The following TMEM244 variants were observed in gnomAD, a reference collection of about 807,000 sequenced individuals.
TMEM244 encodes the protein transmembrane protein 244, also known as putative transmembrane protein 244.
TMEM244 carries 13 observed loss-of-function variants against 15.8 expected under a neutral mutation model. The observed-to-expected ratio is 0.82, with a 90% CI of 0.53 to 1.30. The LOEUF (loss-of-function observed/expected upper bound fraction) is 1.30. TMEM244 is among the 50% of genes most tolerant of loss of function. The pLI is 0.00. For synonymous variants in TMEM244, 45 were observed against 48.7 expected, an observed-to-expected ratio of 0.92 and a Z score of 0.32; for missense variants, 161 against 144.9, an observed-to-expected ratio of 1.11 and a Z score of -0.57.
chr6:129,848,118 C>T (rs1029728083), intron 1 of TMEM244, among the ~76,000 whole-genome samples: 1 of 152,090 alleles, frequency 6.6e-6, no homozygotes, highest in Admixed American at 6.6e-5. Flanking sequence ...TTATGACCTT[C>T]AGTCTCTCTT....
intron 1 of TMEM244, among the ~76,000 whole-genome samples, chr6:129,853,886 A>G (rs4895860): frequency 0.99 from 150,332 of 152,270 alleles, 74,224 homozygotes; most frequent in East Asian, 1. Context: ...TCACTTAACT[A>G]ACTTGCCAAT....
chr6:129,852,527 T>C (rs1776648814), intron 1 of TMEM244, among the ~76,000 whole-genome samples: 1 of 152,122 alleles, frequency 6.6e-6, no homozygotes, highest in African/African-American at 2.4e-5. Flanking sequence ...GGTTTACAAG[T>C]ACTCTGGCCC....
intron 2 of TMEM244, among the ~76,000 whole-genome samples, chr6:129,843,939 TG>T (rs1453207134): frequency 1.3e-5 from 2 of 152,216 alleles, no homozygotes; most frequent in African/African-American, 4.8e-5. Context: ...ACTCACTTCA[TG>T]ACCAAACCAG....
chr6:129,835,589 G>A (rs1701651820), intron 3 of TMEM244, among the ~76,000 whole-genome samples: 1 of 152,154 alleles, frequency 6.6e-6, no homozygotes, highest in African/African-American at 2.4e-5. Flanking sequence ...GCAAGCTGAA[G>A]CAGGGCAGGG....
chr6:129,858,870 T>G (rs1250859038), intron 1 of TMEM244, among the ~76,000 whole-genome samples: 1 of 151,872 alleles, frequency 6.6e-6, no homozygotes, highest in Non-Finnish European at 1.5e-5. Flanking sequence ...CTCAGCTCAC[T>G]GTAACCTCTG....
At chr6:129,835,976 G>A (rs1776399856) in intron 3 of TMEM244, among the ~76,000 whole-genome samples, 1 of 152,142 alleles carries the variant, frequency 6.6e-6, no homozygotes, top group Admixed American at 6.5e-5. Context: ...TCTACCTCTT[G>A]GGGTAGGGCA....
Position 129,849,893 on chromosome 6 carries a change from G to A in TMEM244, c.34-4041C>T, listed in dbSNP as rs562287670. Reference sequence around the variant, plus strand: ...TATGTGTGTGTGTATGTGTGCCTCCGTGCACGTGTGTGAAGGGGGCATGAA... The same window carrying A: ...TATGTGTGTGTGTATGTGTGCCTCCATGCACGTGTGTGAAGGGGGCATGAA... On this transcript the variant is annotated intron_variant, in intron 1 of 4. Transcript: ENST00000368143. 4.6e-5 allele frequency among the ~76,000 whole-genome samples: 7 copies of A among 152,288 alleles called. No homozygotes were observed. The East Asian group carries it at 5.8e-4, about 13-fold the overall frequency.
At chr6:129,845,575 T>A (rs1384288144) in intron 2 of TMEM244, among the ~76,000 whole-genome samples, 192 bp downstream of exon 2, 1 of 152,124 alleles carries the variant, frequency 6.6e-6, no homozygotes, top group Middle Eastern at 3.2e-3. Flanking sequence ...GGCCAGGGAT[T>A]CAAGACCAGC....
chr6:129,833,759 A>G (rs893872444), intron 3 of TMEM244, among the ~76,000 whole-genome samples, 174 bp from the exon 4 acceptor site: 2 of 152,230 alleles, frequency 1.3e-5, no homozygotes, highest in Admixed American at 1.3e-4. Context: ...AACATATTTT[A>G]TCTTTTAACA....
At chr6:129,858,565 T>TTAC (rs1776751271) in intron 1 of TMEM244, among the ~76,000 whole-genome samples, 2 of 151,858 alleles carry the variant, frequency 1.3e-5, no homozygotes. Context: ...CATAATATTA[T>TTAC]ATTTGTCTTA....
At chr6:129,838,819 G>A (rs147059718) in intron 3 of TMEM244, among the ~76,000 whole-genome samples, 5 of 152,122 alleles carry the variant, frequency 3.3e-5, no homozygotes, top group African/African-American at 1.2e-4. Flanking sequence ...AAATAAACTA[G>A]AAAATCTAGA....
chr6:129,856,325 C>T (rs1267162582), intron 1 of TMEM244, among the ~76,000 whole-genome samples: 9 of 152,082 alleles, frequency 5.9e-5, no homozygotes. Context: ...TATTTGTGAG[C>T]TTTCTATTTG....
intron 1 of TMEM244, among the ~76,000 whole-genome samples, chr6:129,860,913 A>C (rs1345759626): frequency 6.6e-6 from 1 of 152,164 alleles, no homozygotes; most frequent in Non-Finnish European, 1.5e-5. Flanking sequence ...ACCTCCGAAT[A>C]AAATGGTGCC....
chr6:129,843,805 A>G (rs1283034634), intron 2 of TMEM244, among the ~76,000 whole-genome samples: 3 of 152,216 alleles, frequency 2.0e-5, no homozygotes, highest in East Asian at 1.9e-4. Flanking sequence ...TGACTCAAAC[A>G]TCTCACTCTT....
intron 3 of TMEM244, among the ~76,000 whole-genome samples, chr6:129,842,360 C>A (rs1172717869): frequency 6.6e-6 from 1 of 152,124 alleles, no homozygotes; most frequent in Non-Finnish European, 1.5e-5. Context: ...AAGTCTTAGA[C>A]CTCTTGTATC....
intron 3 of TMEM244, among the ~76,000 whole-genome samples, chr6:129,841,862 C>A (rs779563001): frequency 2.8e-4 from 43 of 152,146 alleles, no homozygotes; most frequent in Non-Finnish European, 5.3e-4. Flanking sequence ...TAAATACATG[C>A]CAAAGTCTCT....
At chr6:129,857,364 TA>T (rs986176841) in intron 1 of TMEM244, among the ~76,000 whole-genome samples, 7 of 151,348 alleles carry the variant, frequency 4.6e-5, no homozygotes, top group African/African-American at 9.7e-5. Flanking sequence ...ATATATAAAT[TA>T]TTTTTTTTGA....
intron 1 of TMEM244, among the ~76,000 whole-genome samples, chr6:129,858,000 T>C (rs1776741897): frequency 6.6e-6 from 1 of 152,042 alleles, no homozygotes; most frequent in Non-Finnish European, 1.5e-5. Context: ...TATGATTTTC[T>C]GCTTAGATAT....
At chr6:129,834,645 C>T (rs1169516192) in intron 3 of TMEM244, among the ~76,000 whole-genome samples, 2 of 152,174 alleles carry the variant, frequency 1.3e-5, no homozygotes, top group East Asian at 3.9e-4. Flanking sequence ...ACATATTCCT[C>T]TTCAATTCTA....
Sources: gnomAD v4.1 joint callset for allele counts (sites outside exome capture counted in the v4.1 genomes callset) on GRCh38, gnomAD v4.1.1 for gene constraint, MANE v1.5 for transcripts, NCBI Gene and HGNC (gene_info 2026-07-23, HGNC 2026-07-21) for gene names.